The following PLA2G4F variants were observed in gnomAD, a reference collection of about 807,000 sequenced individuals.
PLA2G4F encodes the protein cytosolic phospholipase A2 zeta.
Under a neutral mutation model 103.1 loss-of-function variants are expected in PLA2G4F, and 105 were observed. The observed-to-expected ratio is 1.02, with a 90% CI of 0.87 to 1.20. PLA2G4F has a LOEUF of 1.20. Among genes scored for constraint, PLA2G4F ranks in the 50% most tolerant of loss-of-function variants. The pLI is 0.00. For synonymous variants in PLA2G4F, 468 were observed against 441.1 expected, an observed-to-expected ratio of 1.06 and a Z score of -0.76; for missense variants, 1,155 against 1,075.9, an observed-to-expected ratio of 1.07 and a Z score of -1.03.
At position 42,142,178 on chromosome 15, in the gene PLA2G4F, TCTC is replaced by T. The variant is rs1415227534; in HGVS notation, c.2353_2355del (p.Glu785del). The T allele has an allele frequency of 2.5e-6, 4 of 1,613,608 alleles. No individual in the cohort carries two copies. In the African/African-American group the frequency reaches 5.3e-5, roughly 22 times the overall value. On this transcript the variant is annotated inframe_deletion, in exon 20 of 20. Transcript: ENST00000397272. ...TTGATGACAAAGTCCCCAAAGGCCTTCTCCTCAGCTGTTTGTCGCTCCACACCT... is the reference window on the plus strand; with the variant it reads ...TTGATGACAAAGTCCCCAAAGGCCTTCTCAGCTGTTTGTCGCTCCACACCT...
At chr15:42,148,551 A>AG in intron 11 of PLA2G4F, 1 of 926,518 alleles carries the variant, frequency 1.1e-6, no homozygotes, top group Non-Finnish European at 1.3e-6. Flanking sequence ...AGCAACAATG[A>AG]AATCGATCTC....
intron 16 of PLA2G4F, among the ~76,000 whole-genome samples, chr15:42,145,239 AG>A (rs1383577927): frequency 2.6e-5 from 4 of 152,198 alleles, no homozygotes; most frequent in Admixed American, 2.6e-4. Context: ...AAAGTGATCC[AG>A]GGGAGAAAAG....
rs2048820718 is a variant in PLA2G4F, at chr15:42,140,613, G to T, written c.*1371C>A. 6.6e-6 allele frequency: 1 copy of T among 152,524 alleles called. No homozygotes were observed. The highest frequency in any genetic ancestry group is 2.4e-5 in the African/African-American group (1 of 41,448). 9.4% of individuals were successfully genotyped at this position (152,524 alleles called of 1,614,324 possible). A position where few individuals can be genotyped will look rare whatever the true frequency, so the allele number is the denominator to read the frequency against. On this transcript the variant is annotated 3_prime_UTR_variant, in exon 20 of 20. Coordinates refer to ENST00000397272, the MANE Select transcript of PLA2G4F (RefSeq NM_213600.4). ...CCTCGCAACTCATGCCAGCTGGAGG[G>T]CTGCAGATCCCAGGCCAGGCCAAGA...
In PLA2G4F at chr15:42,147,656, G is replaced by C. The variant is rs954176160; in HGVS notation, c.1166C>G (p.Thr389Ser). The change falls in exon 12 of 20, where the codon ACC becomes AGC. Residue 389 changes from threonine (T) to serine (S), a missense_variant. This residue lies in a region of PLA2G4F where 782 missense variants were observed against 692.9 expected (regional missense o/e 1.13). Transcript: ENST00000397272. ...AGACCCAGAGACCCCACTCAGGTAG[G>C]TCACAGTGTCTAGAAGGCCGAGCTC... ...LQELGLLDTV[T>S]YLSGVSGSTW... 4 of 1,613,928 alleles carry C rather than the reference G, an allele frequency of 2.5e-6. No homozygotes were observed. The highest frequency in any genetic ancestry group is 3.4e-6 in the Non-Finnish European group (4 of 1,180,012).
chr15:42,156,622 G>T lies in PLA2G4F; in HGVS notation c.-73C>A. ...GGTTGCACAAACTGCTGGCTCAGGTGTGACAGGCAGCACTGAGTTGGGAGG... is the reference window on the plus strand; with the variant it reads ...GGTTGCACAAACTGCTGGCTCAGGTTTGACAGGCAGCACTGAGTTGGGAGG... On this transcript the variant is annotated 5_prime_UTR_variant, in exon 1 of 20. Coordinates refer to ENST00000397272, the MANE Select transcript of PLA2G4F (RefSeq NM_213600.4). 1 of 1,081,770 alleles carries T rather than the reference G, an allele frequency of 9.2e-7. No individual in the cohort carries two copies. The allele number at this position is 1,081,770 out of a possible 1,614,324, so 67.0% of individuals were successfully genotyped here. A position where few individuals can be genotyped will look rare whatever the true frequency, so the allele number is the denominator to read the frequency against.
At chr15:42,148,931 GC>G in intron 11 of PLA2G4F, 1 of 985,378 alleles carries the variant, frequency 1.0e-6, no homozygotes, top group Non-Finnish European at 1.2e-6. Flanking sequence ...CATACATATT[GC>G]CCCAATGAAC....
At position 42,147,611 on chromosome 15, in the gene PLA2G4F, C is replaced by T. The variant is rs905290946; in HGVS notation, c.1196+15G>A. ...GGGTCTCCTTTACCCTGTGCCCTGCCCCCACCTCACTTACCAGGTAGACCC... is the reference window on the plus strand; with the variant it reads ...GGGTCTCCTTTACCCTGTGCCCTGCTCCCACCTCACTTACCAGGTAGACCC... On this transcript the variant is annotated intron_variant, in intron 12 of 19. Coordinates refer to ENST00000397272, the MANE Select transcript of PLA2G4F (RefSeq NM_213600.4). 6 of 1,613,646 alleles carry T rather than the reference C, an allele frequency of 3.7e-6. No individual in the cohort carries two copies. The highest frequency in any genetic ancestry group is 5.1e-6 in the Non-Finnish European group (6 of 1,179,748).
Position 42,150,664 on chromosome 15 carries a change from G to A in PLA2G4F, c.715C>T (p.Pro239Ser), listed in dbSNP as rs1368448456. 1 of 1,613,756 alleles carries A rather than the reference G, an allele frequency of 6.2e-7. No individual in the cohort carries two copies. Among genetic ancestry groups the A allele is most frequent in the Non-Finnish European group, 8.5e-7 (1 of 1,179,944 alleles). ...LPPTFTFHVN[P>S]VLSSRLHVEL... ...ACGTGTAGCCTGGAGCTCAGCACTGGGTTCACGTGGAAGGTAAAGGTGGGT... is the reference window on the plus strand; with the variant it reads ...ACGTGTAGCCTGGAGCTCAGCACTGAGTTCACGTGGAAGGTAAAGGTGGGT... Residue 239 changes from proline (P) to serine (S), a missense_variant, in exon 8 of 20, where the codon CCA (proline) becomes TCA (serine). This residue lies in a region of PLA2G4F where 370 missense variants were observed against 364.9 expected (regional missense o/e 1.01). Transcript: ENST00000397272.
In PLA2G4F at chr15:42,140,038, T is replaced by C. The variant is rs1398838536; in HGVS notation, c.*1946A>G. The C allele has an allele frequency of 6.6e-6, 1 of 152,238 alleles. No individual in the cohort carries two copies. The highest frequency in any genetic ancestry group is 1.5e-5 in the Non-Finnish European group (1 of 68,044). The allele number at this position is 152,238 out of a possible 1,614,324, so 9.4% of individuals were successfully genotyped here. Reference sequence around the variant, plus strand: ...TATTGTAAGCAACTTTTCATGTGTGTGTGTATGCCTTTTTCTTGGGAGAGG... The same window carrying C: ...TATTGTAAGCAACTTTTCATGTGTGCGTGTATGCCTTTTTCTTGGGAGAGG... On this transcript the variant is annotated 3_prime_UTR_variant, in exon 20 of 20. Transcript: ENST00000397272.
chr15:42,143,970 C>A lies in PLA2G4F; in HGVS notation c.2142+8G>T. On this transcript the variant is annotated splice_region_variant and intron_variant, in intron 18 of 19. Transcript: ENST00000397272. ...AGGTGCTCCCCACATCCCTGCCTCC[C>A]AGCTCACCTCAAAAGGGGCTTCCAA... is the stretch of plus-strand genomic sequence containing the variant. The A allele has an allele frequency of 6.3e-7, 1 of 1,597,158 alleles. No homozygotes were observed.
rs2048808585 is a variant in PLA2G4F, at chr15:42,139,077, A to G, written c.*2907T>C. On this transcript the variant is annotated 3_prime_UTR_variant, in exon 20 of 20. Coordinates refer to ENST00000397272, the MANE Select transcript of PLA2G4F (RefSeq NM_213600.4). ...AGGGGACTGCCCAGCTCAAGTGGCC[A>G]AAGTGCAGCCCTGAGAAGCTGGAGC... 1 of 152,376 alleles carries G rather than the reference A, an allele frequency of 6.6e-6. No individual in the cohort carries two copies. The highest frequency in any genetic ancestry group is 2.1e-4 in the South Asian group (1 of 4,824). 9.4% of individuals were successfully genotyped at this position (152,376 alleles called of 1,614,324 possible).
chr15:42,142,262 G>C, intron 19 of PLA2G4F, 58 bp from the exon 20 acceptor site: 2 of 1,475,580 alleles, frequency 1.4e-6, no homozygotes, highest in Non-Finnish European at 9.2e-7. Context: ...GAACTGGCTG[G>C]AACAGCCCAG....
intron 16 of PLA2G4F, among the ~76,000 whole-genome samples, chr15:42,145,231 A>G (rs2048868784): frequency 6.6e-6 from 1 of 152,200 alleles, no homozygotes. Flanking sequence ...ACAGAGCAAA[A>G]GTGATCCAGG....
In PLA2G4F at chr15:42,141,367, G is replaced by A; in HGVS notation, c.*617C>T. 2.2e-6 allele frequency: 1 copy of A among 456,712 alleles called. No homozygotes were observed. Among genetic ancestry groups the A allele is most frequent in the Non-Finnish European group, 4.4e-6 (1 of 226,966 alleles). 28.3% of individuals were successfully genotyped at this position (456,712 alleles called of 1,614,324 possible). ...TGGGACATCACCCCACAGGCTTTAG[G>A]GCGCTGGGAAGAGAAGGGTGATCTG... On this transcript the variant is annotated 3_prime_UTR_variant, in exon 20 of 20. Coordinates refer to ENST00000397272, the MANE Select transcript of PLA2G4F (RefSeq NM_213600.4).
In PLA2G4F at chr15:42,142,713, A is replaced by G. The variant is rs775361469; in HGVS notation, c.2144T>C (p.Val715Ala). 3 of 1,613,490 alleles carry G rather than the reference A, an allele frequency of 1.9e-6. No homozygotes were observed. The African/African-American group carries it at 4.0e-5, about 22-fold the overall frequency. The change falls in exon 19 of 20, where the codon GTC becomes GCC. Residue 715 changes from valine (V) to alanine (A), a missense_variant and splice_region_variant. Transcript: ENST00000397272. ...GCAGTACTTCTCTGTCATCTTCAAG[A>G]CCTGAGCAGGAGCAAGCCTCTGACT... ...FDYSLEAPFE[V>A]LKMTEKYCLD...
Position 42,146,151 on chromosome 15 carries a change from T to C in PLA2G4F, c.1510A>G (p.Asn504Asp). The C allele has an allele frequency of 6.2e-7, 1 of 1,614,122 alleles. No individual in the cohort carries two copies. The highest frequency in any genetic ancestry group is 8.5e-7 in the Non-Finnish European group (1 of 1,179,980). The change falls in exon 14 of 20, where the codon AAC becomes GAC. Residue 504 changes from asparagine to aspartate, a missense_variant. Physicochemically the swap from Asn to Asp is conservative, Grantham distance 23. Coordinates refer to ENST00000397272, the MANE Select transcript of PLA2G4F (RefSeq NM_213600.4). ...CCTGCAAAATCTTCCCCACTCAAGTTGGTGCGGACGTTGACACTGGTGTAA... is the reference window on the plus strand; with the variant it reads ...CCTGCAAAATCTTCCCCACTCAAGTCGGTGCGGACGTTGACACTGGTGTAA... ...PIYTSVNVRT[N>D]LSGEDFAEWC...
In PLA2G4F at chr15:42,144,630, G is replaced by A. The variant is rs753127554; in HGVS notation, c.1795C>T (p.Pro599Ser). ...SVNITDDCQK[P>S]QLHNPSRLRT... ...AGCCTCGAGGGGTTGTGCAGCTGAGGCTTCTGGCAGTCGTCTAGACAGGGG... is the reference window on the plus strand; with the variant it reads ...AGCCTCGAGGGGTTGTGCAGCTGAGACTTCTGGCAGTCGTCTAGACAGGGG... The change falls in exon 17 of 20, where the codon CCT becomes TCT. Residue 599 changes from proline (P) to serine (S), a missense_variant. Physicochemically the swap from Pro to Ser is moderately conservative, Grantham distance 74. Transcript: ENST00000397272. 3.6e-5 allele frequency: 57 copies of A among 1,597,964 alleles called. 1 individual carries two copies. The South Asian group carries it at 3.9e-4, about 11-fold the overall frequency.
At chr15:42,153,690 T>C in intron 4 of PLA2G4F, 30 bp from the exon 5 acceptor site, 1 of 1,613,480 alleles carries the variant, frequency 6.2e-7, no homozygotes, top group Non-Finnish European at 8.5e-7. Flanking sequence ...GCACCAATTT[T>C]TTCAAGGCTC....
At chr15:42,142,745 T>C (rs901373929) in intron 18 of PLA2G4F, 31 bp from the exon 19 acceptor site, 2 of 1,612,178 alleles carry the variant, frequency 1.2e-6, no homozygotes, top group Non-Finnish European at 1.7e-6. Flanking sequence ...GACTCTGCCT[T>C]TCCTCCACCC....
Sources: allele counts gnomAD v4.1 joint callset (sites outside exome capture counted in the v4.1 genomes callset), GRCh38; gene constraint gnomAD v4.1.1; regional missense constraint gnomAD v4.1.1; transcripts MANE v1.5; gene names NCBI Gene and HGNC (gene_info 2026-07-23, HGNC 2026-07-21).